LSAMP: variants seen among roughly 807,000 people sequenced by gnomAD.
The protein encoded by LSAMP is limbic system-associated membrane protein.
LSAMP carries 7 observed loss-of-function variants against 38.6 expected under a neutral mutation model. The observed-to-expected ratio is 0.18, with a 90% CI of 0.10 to 0.34. The LOEUF (loss-of-function observed/expected upper bound fraction) is 0.34, where lower values mean the gene tolerates loss of function less well. Among genes scored for constraint, LSAMP ranks in the 10% least tolerant of loss-of-function variants. The probability of loss-of-function intolerance (pLI) is 1.00; values close to 1 mark genes in which losing one functional copy is unlikely to be tolerated. For synonymous variants in LSAMP, 154 were observed against 166.8 expected, an observed-to-expected ratio of 0.92 and a Z score of 0.59; for missense variants, 313 against 420.0, an observed-to-expected ratio of 0.75 and a Z score of 2.23.
intron 4 of LSAMP, among the ~76,000 whole-genome samples, chr3:115,852,040 C>T (rs147958464): frequency 1.7e-4 from 26 of 152,292 alleles, no homozygotes; most frequent in African/African-American, 5.8e-4. Flanking sequence ...TAATTTGTTC[C>T]CAAGGCCAAT....
intron 1 of LSAMP, among the ~76,000 whole-genome samples, chr3:116,406,176 C>T (rs1278500263): frequency 2.0e-5 from 3 of 152,168 alleles, no homozygotes; most frequent in East Asian, 1.9e-4. Context: ...ATTTTGAAGA[C>T]TCACTTATTC....
intron 1 of LSAMP, among the ~76,000 whole-genome samples, chr3:116,278,465 A>G (rs188887238): frequency 2.0e-5 from 3 of 152,252 alleles, no homozygotes; most frequent in Admixed American, 6.5e-5. Flanking sequence ...AAGCAGGAAC[A>G]TAAATTCAGT....
chr3:116,076,450 G>C (rs1707745810), intron 2 of LSAMP, among the ~76,000 whole-genome samples: 1 of 151,854 alleles, frequency 6.6e-6, no homozygotes, highest in African/African-American at 2.4e-5. Context: ...GTAGAGATGG[G>C]GTTTCACTGT....
intron 3 of LSAMP, among the ~76,000 whole-genome samples, chr3:115,976,461 CAA>C (rs1458190023): frequency 6.6e-6 from 1 of 152,206 alleles, no homozygotes; most frequent in African/African-American, 2.4e-5. Context: ...AAACAACAAA[CAA>C]GAGAGGTCAT....
chr3:116,204,160 A>G (rs1429042173), intron 1 of LSAMP, among the ~76,000 whole-genome samples: 1 of 152,058 alleles, frequency 6.6e-6, no homozygotes, highest in African/African-American at 2.4e-5. Flanking sequence ...AGTGATGATG[A>G]GCATTTTTTC....
intron 1 of LSAMP, among the ~76,000 whole-genome samples, chr3:116,346,704 C>T (rs1214045171): frequency 6.6e-6 from 1 of 152,140 alleles, no homozygotes; most frequent in African/African-American, 2.4e-5. Flanking sequence ...TACTGAGTAC[C>T]AGAGGGGCTG....
chr3:116,253,906 C>T (rs9836468), intron 1 of LSAMP, among the ~76,000 whole-genome samples: 150,308 of 152,286 alleles, frequency 0.99, 74,221 homozygotes, highest in Middle Eastern at 1. Context: ...TTTTATGAAC[C>T]GCATATGCAT....
intron 6 of LSAMP, chr3:115,837,849 G>C (rs1415142105): frequency 6.6e-6 from 1 of 152,180 alleles, no homozygotes; most frequent in Non-Finnish European, 1.5e-5. Flanking sequence ...CTATGCAATG[G>C]AGAAGCACAA....
chr3:116,319,815 T>TTGTTTTTTTTTTTA (rs1553724419), intron 1 of LSAMP, among the ~76,000 whole-genome samples: 1 of 151,436 alleles, frequency 6.6e-6, no homozygotes, highest in African/African-American at 2.4e-5. Context: ...TTTTTTTTTT[T>TTGTTTTTTTTTTTA]AATAAAAATG....
At chr3:116,130,987 C>CTT (rs148232332) in intron 1 of LSAMP, among the ~76,000 whole-genome samples, 85 of 112,634 alleles carry the variant, frequency 7.5e-4, no homozygotes, top group Non-Finnish European at 1.2e-3. Context: ...AGGTTCCACA[C>CTT]TTTTTTTTTT....
intron 1 of LSAMP, among the ~76,000 whole-genome samples, chr3:116,300,078 C>T (rs1576492351): frequency 1.3e-5 from 2 of 152,148 alleles, no homozygotes; most frequent in South Asian, 4.1e-4. Flanking sequence ...TGAAGCCAGA[C>T]ATTAAGGCAG....
At chr3:116,141,013 C>T (rs1225756508) in intron 1 of LSAMP, among the ~76,000 whole-genome samples, 1 of 151,854 alleles carries the variant, frequency 6.6e-6, no homozygotes, top group Non-Finnish European at 1.5e-5. Flanking sequence ...CCCACCAGAG[C>T]TAGCTTAAGC....
rs2046201111 is a variant in LSAMP at position 116,214,766 on chromosome 3, G to A, written c.156-128210C>T. Among the ~76,000 whole-genome samples the A allele has an allele frequency of 2.6e-5, 4 of 152,146 alleles. No homozygotes were observed. The South Asian group carries it at 8.3e-4, about 32-fold the overall frequency. On this transcript the variant is annotated intron_variant, in intron 1 of 6. Coordinates refer to ENST00000490035, the MANE Select transcript of LSAMP (RefSeq NM_002338.5). ...GATCTGCCTGCCTCAGCCTCCCAAA[G>A]TGCTGGAATTACAGGTGTGAGTCAC...
At chr3:115,953,333 C>T (rs1279922027) in intron 3 of LSAMP, among the ~76,000 whole-genome samples, 1 of 151,170 alleles carries the variant, frequency 6.6e-6, no homozygotes, top group Non-Finnish European at 1.5e-5. Flanking sequence ...GCAGTAGAAT[C>T]AGACCAATGT....
Position 116,009,859 on chromosome 3 carries a change from G to GA in LSAMP, c.514+9655dup, listed in dbSNP as rs11338148. On this transcript the variant is annotated intron_variant, in intron 3 of 6. Coordinates refer to ENST00000490035, the MANE Select transcript of LSAMP (RefSeq NM_002338.5). ...AGATCCTTGTCACCACATACATAAA[G>GA]AAAAAAAAAATCCTTTCCCAGATAA... is the stretch of plus-strand genomic sequence containing the variant. Among the ~76,000 whole-genome samples, 59 of 148,674 alleles carry GA rather than the reference G, an allele frequency of 4.0e-4. No individual in the cohort carries two copies. The East Asian group carries it at 7.8e-3, about 20-fold the overall frequency.
At chr3:116,278,592 A>C (rs765511193) in intron 1 of LSAMP, among the ~76,000 whole-genome samples, 29 of 152,196 alleles carry the variant, frequency 1.9e-4, no homozygotes, top group Admixed American at 1.2e-3. Context: ...TTAGCTTTGA[A>C]GTAACTGAAA....
intron 3 of LSAMP, among the ~76,000 whole-genome samples, chr3:116,002,651 C>T (rs974617618): frequency 6.6e-6 from 1 of 152,074 alleles, no homozygotes; most frequent in African/African-American, 2.4e-5. Context: ...GCTGTGTGGA[C>T]AAAATGTCCA....
chr3:116,314,800 A>C (rs1202011984), intron 1 of LSAMP, among the ~76,000 whole-genome samples: 1 of 152,212 alleles, frequency 6.6e-6, no homozygotes, highest in Non-Finnish European at 1.5e-5. Flanking sequence ...AAAAGACCAT[A>C]TATAGGTTCT....
chr3:116,039,820 T>A (rs1034006787), intron 2 of LSAMP, among the ~76,000 whole-genome samples: 1 of 152,124 alleles, frequency 6.6e-6, no homozygotes, highest in Non-Finnish European at 1.5e-5. Flanking sequence ...GAATGGCAGG[T>A]GCATTTGTTC....
Sources: gnomAD v4.1 joint callset for allele counts (sites outside exome capture counted in the v4.1 genomes callset) on GRCh38, gnomAD v4.1.1 for gene constraint, MANE v1.5 for transcripts, NCBI Gene and HGNC (gene_info 2026-07-23, HGNC 2026-07-21) for gene names.